Variants in DOCK8 observed in about 807,000 individuals in gnomAD.
DOCK8 encodes the protein dedicator of cytokinesis 8, also known as dedicator of cytokinesis protein 8.
A neutral mutation model predicts 245.6 loss-of-function variants in DOCK8; 141 were observed. That is an observed-to-expected ratio of 0.57 (90% CI 0.50 to 0.66). The LOEUF (loss-of-function observed/expected upper bound fraction) is 0.66. DOCK8 is among the 30% of genes least tolerant of loss of function. The pLI is 0.00. For synonymous variants in DOCK8, 1,168 were observed against 970.2 expected (o/e 1.20, Z -3.79); for missense variants, 2,965 against 2,603.4 (o/e 1.14, Z -3.02).
chr9:348,005 G>T (rs916168050), intron 14 of DOCK8, among the ~76,000 whole-genome samples: 4 of 152,148 alleles, frequency 2.6e-5, no homozygotes, highest in African/African-American at 9.7e-5. Flanking sequence ...CCCTTGAAGT[G>T]CAAGACCAGG....
chr9:409,521 C>T (rs1312255777), intron 28 of DOCK8, among the ~76,000 whole-genome samples: 2 of 151,616 alleles, frequency 1.3e-5, no homozygotes, highest in African/African-American at 2.4e-5. Flanking sequence ...TCTGATGTAG[C>T]CTTATTTTGT....
At chr9:444,263 G>A (rs538738044) in intron 43 of DOCK8, among the ~76,000 whole-genome samples, 12 of 151,874 alleles carry the variant, frequency 7.9e-5, no homozygotes, top group African/African-American at 2.7e-4. Context: ...GGCCAGCCAC[G>A]CTTCTGATCA....
At chr9:369,976 AT>A (rs1214697469) in intron 15 of DOCK8, 25 of 507,608 alleles carry the variant, frequency 4.9e-5, no homozygotes, top group Non-Finnish European at 8.2e-5. Context: ...TAATTTTTGT[AT>A]TTTTTTGTAG....
chr9:238,284 C>G (rs2047305271), intron 1 of DOCK8, among the ~76,000 whole-genome samples: 2 of 151,930 alleles, frequency 1.3e-5, no homozygotes, highest in Admixed American at 6.6e-5. Context: ...CATCATAGGA[C>G]CAAATGAAAT....
upstream of DOCK8, among the ~76,000 whole-genome samples, chr9:211,270 G>T (rs773940471): frequency 2.0e-5 from 3 of 152,058 alleles, no homozygotes; most frequent in East Asian, 3.8e-4. Flanking sequence ...CAGGAGCACC[G>T]CCTGCTTTAG....
At chr9:417,392 C>T (rs1016941950) in intron 29 of DOCK8, among the ~76,000 whole-genome samples, 2 of 152,186 alleles carry the variant, frequency 1.3e-5, no homozygotes, top group African/African-American at 4.8e-5. Context: ...GCCCAGATGG[C>T]TGTAATGTCA....
chr9:226,264 C>T (rs1336903246), intron 1 of DOCK8, among the ~76,000 whole-genome samples: 1 of 152,098 alleles, frequency 6.6e-6, no homozygotes, highest in Non-Finnish European at 1.5e-5. Flanking sequence ...TCTCGTGAGA[C>T]TTATTCACTA....
At chr9:417,018 G>A (rs1007443986) in intron 29 of DOCK8, among the ~76,000 whole-genome samples, 8 of 152,150 alleles carry the variant, frequency 5.3e-5, no homozygotes, top group African/African-American at 1.2e-4. Context: ...GTTTTGGCTC[G>A]GTGTGGTGGC....
At position 428,430 on chromosome 9, in the gene DOCK8, G is replaced by A; in HGVS notation, c.4407G>A (p.Leu1469=). ...TTCTGAGGGTGCTGGTGAATTCTCT[G>A]AACTGTGATCAGAGTACCACCTACC... ...GGVLRVLVNS[L]NCDQSTTYLT... Residue 1469 remains leucine, a synonymous_variant, in exon 35 of 48, where the codon CTG becomes CTA. Transcript: ENST00000432829. The A allele has an allele frequency of 1.9e-6, 3 of 1,614,184 alleles. No homozygotes were observed. The highest frequency in any genetic ancestry group is 2.5e-6 in the Non-Finnish European group (3 of 1,180,038).
intron 22 of DOCK8, among the ~76,000 whole-genome samples, chr9:385,139 A>G (rs2131316635): frequency 6.6e-6 from 1 of 152,318 alleles, no homozygotes; most frequent in South Asian, 2.1e-4. Flanking sequence ...AGACATTGTT[A>G]AAATTAAATC....
At chr9:382,433 C>T in intron 21 of DOCK8, 80 bp from the exon 22 acceptor site, 1 of 1,586,780 alleles carries the variant, frequency 6.3e-7, no homozygotes, top group East Asian at 2.2e-5. Context: ...TCCACCCTAT[C>T]CCTCTTCAAT....
intron 4 of DOCK8, among the ~76,000 whole-genome samples, chr9:301,024 G>C (rs972524418): frequency 6.6e-6 from 1 of 152,124 alleles, no homozygotes; most frequent in African/African-American, 2.4e-5. Flanking sequence ...ACCAAAACCT[G>C]GGAGAGACAC....
intron 5 of DOCK8, among the ~76,000 whole-genome samples, chr9:309,395 G>A (rs567506920): frequency 4.6e-5 from 7 of 152,260 alleles, no homozygotes; most frequent in African/African-American, 1.7e-4. Flanking sequence ...GTGTAGTATG[G>A]AGAAATTGTC....
chr9:400,601 AT>A lies in DOCK8; in HGVS notation c.3234+1343del, dbSNP rs2054902813. 2.7e-5 allele frequency among the ~76,000 whole-genome samples: 2 copies of A among 75,306 alleles called. 1 individual carries two copies. Among genetic ancestry groups the A allele is most frequent in the African/African-American group, 1.8e-4 (2 of 11,132 alleles). 49.4% of individuals were successfully genotyped at this position (75,306 alleles called of 152,430 possible). ...CTCCACCATCACCACCACCTCCACC[AT>A]CACCACCACCACCTCCACCACCATC... On this transcript the variant is annotated intron_variant, in intron 26 of 47. Transcript: ENST00000432829.
chr9:229,816 A>G lies in DOCK8; in HGVS notation c.53+14787A>G, dbSNP rs2047067509. 2.0e-5 allele frequency among the ~76,000 whole-genome samples: 3 copies of G among 152,242 alleles called. No individual in the cohort carries two copies. The South Asian group carries it at 6.2e-4, about 32-fold the overall frequency. ...ATTAGGATTGCTTTTAGCTGCTGCAAGTAACAGCCAACCAAACCATCCAAT... is the reference window on the plus strand; with the variant it reads ...ATTAGGATTGCTTTTAGCTGCTGCAGGTAACAGCCAACCAAACCATCCAAT... On this transcript the variant is annotated intron_variant, in intron 1 of 47. Coordinates refer to ENST00000432829, the MANE Select transcript of DOCK8 (RefSeq NM_203447.4).
chr9:413,233 A>G (rs1236229537), intron 28 of DOCK8, among the ~76,000 whole-genome samples: 2 of 152,198 alleles, frequency 1.3e-5, no homozygotes, highest in Admixed American at 6.5e-5. Flanking sequence ...TGGACCCTAT[A>G]TTACACTGTA....
chr9:424,084 G>A (rs1005237328), intron 33 of DOCK8, among the ~76,000 whole-genome samples: 8 of 150,362 alleles, frequency 5.3e-5, no homozygotes, highest in Non-Finnish European at 8.9e-5. Context: ...TTTTAAAAGG[G>A]AAACCATAGT....
Position 446,607 on chromosome 9 carries a change from G to A in DOCK8, c.5817+1G>A. On this transcript the variant is annotated splice_donor_variant, in intron 44 of 47. Coordinates refer to ENST00000432829, the MANE Select transcript of DOCK8 (RefSeq NM_203447.4). LOFTEE classifies it high-confidence loss of function. ...GATCAGCGTCATCCAGAAGGAGGAG[G>A]TAATGCACCCAAGGGATTGGCCACC... The A allele has an allele frequency of 6.2e-7, 1 of 1,614,032 alleles. No individual in the cohort carries two copies. The highest frequency in any genetic ancestry group is 8.5e-7 in the Non-Finnish European group (1 of 1,179,920).
chr9:313,339 G>C (rs1419796895), intron 6 of DOCK8, among the ~76,000 whole-genome samples: 8 of 152,160 alleles, frequency 5.3e-5, no homozygotes, highest in Admixed American at 5.2e-4. Flanking sequence ...TCTTTACTTA[G>C]AGCAAACTTC....
Sources: gnomAD v4.1 joint callset for allele counts (sites outside exome capture counted in the v4.1 genomes callset) on GRCh38, gnomAD v4.1.1 for gene constraint, MANE v1.5 for transcripts, NCBI Gene and HGNC (gene_info 2026-07-23, HGNC 2026-07-21) for gene names.